The following MATN2 variants were observed in gnomAD, a reference collection of about 807,000 sequenced individuals.
MATN2 encodes the protein matrilin-2.
Under a neutral mutation model 103.2 loss-of-function variants are expected in MATN2, and 69 were observed. The observed-to-expected ratio is 0.67, with a 90% CI of 0.55 to 0.82. The LOEUF (loss-of-function observed/expected upper bound fraction) is 0.82. MATN2 is among the 40% of genes least tolerant of loss of function. The pLI is 0.00. For missense variants in MATN2, 1,023 were observed against 1,211.5 expected (o/e 0.84, Z 2.31); for synonymous variants, 429 against 450.2 (o/e 0.95, Z 0.60).
intron 1 of MATN2, among the ~76,000 whole-genome samples, chr8:97,882,602 C>T (rs1818290136): frequency 6.6e-6 from 1 of 151,672 alleles, no homozygotes; most frequent in Non-Finnish European, 1.5e-5. Context: ...GGGATTTCGC[C>T]ATGTTGCCCA....
intron 6 of MATN2, among the ~76,000 whole-genome samples, chr8:97,987,974 C>T (rs1205821924): frequency 6.6e-6 from 1 of 150,824 alleles, no homozygotes; most frequent in East Asian, 1.9e-4. Context: ...ACACAAATTA[C>T]TAATATCAGG....
Position 97,931,017 on chromosome 8 carries a change from C to A in MATN2, c.207C>A (p.Asn69Lys). Residue 69 changes from asparagine (N) to lysine (K), a missense_variant, in exon 3 of 19, where the codon AAC becomes AAA. By Grantham distance (94) the Asn-to-Lys change is moderately conservative. Coordinates refer to ENST00000254898, the MANE Select transcript of MATN2 (RefSeq NM_002380.5). This position sits in a 1 kb window ranked among gnomAD's most constrained non-coding sequence, Gnocchi z 4.1. ...TCATTGACAGCTCTCGCAGTGTCAA[C>A]ACCCATGACTATGCAAAGGTCAAGG... ...VFIIDSSRSV[N>K]THDYAKVKEF... The A allele has an allele frequency of 6.2e-7, 1 of 1,613,958 alleles. No homozygotes were observed. Among genetic ancestry groups the A allele is most frequent in the Non-Finnish European group, 8.5e-7 (1 of 1,179,836 alleles).
At chr8:97,965,744 GC>G (rs1260930086) in intron 5 of MATN2, among the ~76,000 whole-genome samples, 1 of 152,172 alleles carries the variant, frequency 6.6e-6, no homozygotes, top group Non-Finnish European at 1.5e-5. Flanking sequence ...ACTTTGGGAG[GC>G]TGAGGCAGGC....
At chr8:97,920,674 C>T (rs1017190510) in intron 2 of MATN2, among the ~76,000 whole-genome samples, 4 of 152,094 alleles carry the variant, frequency 2.6e-5, no homozygotes, top group Admixed American at 2.6e-4. Context: ...ATGACTGGGG[C>T]ATAAGGTGGT....
chr8:97,938,909 G>T (rs187049373), intron 3 of MATN2, among the ~76,000 whole-genome samples: 1 of 152,082 alleles, frequency 6.6e-6, no homozygotes, highest in African/African-American at 2.4e-5. Context: ...TTGAGACAGA[G>T]TCTCGCTGTG....
intron 10 of MATN2, among the ~76,000 whole-genome samples, chr8:98,016,115 A>C (rs191453189): frequency 6.6e-6 from 1 of 151,998 alleles, no homozygotes; most frequent in African/African-American, 2.4e-5. Flanking sequence ...TGCCATGTGT[A>C]TATTAAGAAT....
chr8:97,963,807 G>A (rs1167684611), intron 5 of MATN2, among the ~76,000 whole-genome samples: 1 of 152,132 alleles, frequency 6.6e-6, no homozygotes, highest in East Asian at 1.9e-4. Context: ...GCCCTTTACA[G>A]CGGTTCACTA....
intron 10 of MATN2, among the ~76,000 whole-genome samples, chr8:98,011,798 G>A: frequency 6.6e-6 from 1 of 152,264 alleles, no homozygotes; most frequent in South Asian, 2.1e-4. Context: ...CATCACGGCA[G>A]AGGTGCAAGT....
chr8:97,885,806 G>T (rs1433030066), intron 1 of MATN2, among the ~76,000 whole-genome samples: 1 of 152,092 alleles, frequency 6.6e-6, no homozygotes, highest in Non-Finnish European at 1.5e-5. Context: ...CTCAAAAAAA[G>T]AGTTTAAATG....
intron 2 of MATN2, among the ~76,000 whole-genome samples, chr8:97,912,372 A>G (rs1242350144): frequency 2.0e-5 from 3 of 152,178 alleles, no homozygotes; most frequent in South Asian, 2.1e-4. Flanking sequence ...CAACCCTAAC[A>G]TAGGGCGTTA....
chr8:97,878,359 T>G (rs1209325294), intron 1 of MATN2, among the ~76,000 whole-genome samples: 1 of 151,854 alleles, frequency 6.6e-6, no homozygotes. Flanking sequence ...GCCCAGGAGC[T>G]CACGGCCAGC....
intron 1 of MATN2, among the ~76,000 whole-genome samples, chr8:97,870,299 A>C (rs1251793629): frequency 6.6e-6 from 1 of 152,120 alleles, no homozygotes; most frequent in Non-Finnish European, 1.5e-5. Flanking sequence ...CGGGCGGATC[A>C]CCTGAGGTCG....
intron 2 of MATN2, among the ~76,000 whole-genome samples, chr8:97,921,990 G>A (rs529272170): frequency 3.3e-5 from 5 of 152,288 alleles, no homozygotes; most frequent in Admixed American, 1.3e-4. Flanking sequence ...GCGACATTCC[G>A]TTCTCACACA....
chr8:97,888,230 A>G lies in MATN2; in HGVS notation c.130A>G (p.Thr44Ala). 6.4e-7 allele frequency: 1 copy of G among 1,563,482 alleles called. No homozygotes were observed. The highest frequency in any genetic ancestry group is 8.7e-7 in the Non-Finnish European group (1 of 1,152,588). ...CAGACACGCTCGGACCCACCCGCAG[A>G]CGGCCCTTCTGGGTGAGTGGTGGTG... ...RGRHARTHPQ[T>A]ALLESSCENK... Residue 44 changes from threonine to alanine, a missense_variant, in exon 2 of 19, where the codon ACG becomes GCG. By Grantham distance (58) the Thr-to-Ala change is moderately conservative. Coordinates refer to ENST00000254898, the MANE Select transcript of MATN2 (RefSeq NM_002380.5).
chr8:98,028,647 C>T (rs578122922), intron 14 of MATN2, among the ~76,000 whole-genome samples: 8 of 151,962 alleles, frequency 5.3e-5, no homozygotes, highest in Non-Finnish European at 1.0e-4. Context: ...AGTGCAGTGG[C>T]GCGATGTCAG....
At chr8:97,888,760 A>G (rs1355276207) in intron 2 of MATN2, among the ~76,000 whole-genome samples, 1 of 152,160 alleles carries the variant, frequency 6.6e-6, no homozygotes, top group African/African-American at 2.4e-5. Flanking sequence ...AACACACGGA[A>G]AACATGTAAA....
intron 5 of MATN2, among the ~76,000 whole-genome samples, chr8:97,978,028 T>C (rs1420855707): frequency 6.6e-6 from 1 of 152,188 alleles, no homozygotes; most frequent in Non-Finnish European, 1.5e-5. Flanking sequence ...TATCTCCTAA[T>C]AGACTATGCT....
chr8:98,022,876 T>A (rs185316450), intron 13 of MATN2, among the ~76,000 whole-genome samples: 67 of 152,242 alleles, frequency 4.4e-4, no homozygotes, highest in African/African-American at 1.6e-3. Flanking sequence ...TCACCTGAGA[T>A]CAGGAGTTCG....
chr8:97,892,708 T>C (rs1036696293), intron 2 of MATN2, among the ~76,000 whole-genome samples: 18 of 152,224 alleles, frequency 1.2e-4, no homozygotes, highest in African/African-American at 4.3e-4. Flanking sequence ...ATCAGATCAA[T>C]AAACTTTTTG....
Sources: allele counts gnomAD v4.1 joint callset (sites outside exome capture counted in the v4.1 genomes callset), GRCh38; gene constraint gnomAD v4.1.1; non-coding constraint Gnocchi (gnomAD v3.1); transcripts MANE v1.5; gene names NCBI Gene and HGNC (gene_info 2026-07-23, HGNC 2026-07-21).